The following SULT1B1 variants were observed in gnomAD, a reference collection of about 807,000 sequenced individuals.
SULT1B1 encodes the protein sulfotransferase 1B1.
Under a neutral mutation model 34.6 loss-of-function variants are expected in SULT1B1, and 28 were observed. That is an observed-to-expected ratio of 0.81 (90% CI 0.60 to 1.11). SULT1B1 has a LOEUF of 1.11. SULT1B1 is among the 50% of genes least tolerant of loss of function. The pLI is 0.00. For synonymous variants in SULT1B1, 147 were observed against 110.2 expected (o/e 1.33, Z -2.09); for missense variants, 374 against 352.2 (o/e 1.06, Z -0.50).
At chr4:69,743,439 G>C (rs1031992054) in intron 4 of SULT1B1, among the ~76,000 whole-genome samples, 1 of 152,152 alleles carries the variant, frequency 6.6e-6, no homozygotes, top group African/African-American at 2.4e-5. Context: ...GCAGCCATGG[G>C]TGGGCCCAGA....
In SULT1B1 at chr4:69,730,650, C is replaced by A; in HGVS notation, c.629G>T (p.Arg210Ile). Residue 210 changes from arginine (R) to isoleucine (I), a missense_variant, in exon 7 of 8, where the codon AGA (arginine) becomes ATA (isoleucine). Arg to Ile is a moderately conservative substitution (Grantham distance 97). Transcript: ENST00000310613. ...NPKEEIKKII[R>I]FLEKNLNDEI... is the part of the protein sequence containing the mutation. ...ATCATTCAGGTTCTTCTCTAGAAATCTAATGATCTTCTTGATTTCCTCCTT... is the reference window on the plus strand; with the variant it reads ...ATCATTCAGGTTCTTCTCTAGAAATATAATGATCTTCTTGATTTCCTCCTT... The A allele has an allele frequency of 6.2e-7, 1 of 1,612,704 alleles. No homozygotes were observed. Among genetic ancestry groups the A allele is most frequent in the Non-Finnish European group, 8.5e-7 (1 of 1,179,622 alleles).
At chr4:69,733,323 C>T (rs1718156450) in intron 6 of SULT1B1, 90 bp downstream of exon 6, 3 of 841,154 alleles carry the variant, frequency 3.6e-6, no homozygotes, top group East Asian at 5.7e-5. Flanking sequence ...TCATTTTGGA[C>T]TCGATAGACT....
At chr4:69,729,087 T>C (rs980309189) in intron 7 of SULT1B1, among the ~76,000 whole-genome samples, 1 of 152,084 alleles carries the variant, frequency 6.6e-6, no homozygotes, top group African/African-American at 2.4e-5. Flanking sequence ...TCATATGATT[T>C]GAGATAAAAT....
intron 4 of SULT1B1, among the ~76,000 whole-genome samples, chr4:69,737,024 GA>G (rs144914746): frequency 0.046 from 6,561 of 144,006 alleles, 201 homozygotes; most frequent in East Asian, 0.074. Context: ...TCAAAAAAAG[GA>G]AAAAAAAAAC....
rs1456359206 is a variant in SULT1B1, at chr4:69,722,977, G to C, written c.*4111C>G. ...TCAGGAAAAAGACTTTGCTGCACAT[G>C]GGGATATAAACAACTACTTCTAATG... On this transcript the variant is annotated 3_prime_UTR_variant, in exon 8 of 8. Coordinates refer to ENST00000310613, the MANE Select transcript of SULT1B1 (RefSeq NM_014465.4). The C allele has an allele frequency of 6.6e-6, 1 of 151,828 alleles. No individual in the cohort carries two copies. Among genetic ancestry groups the C allele is most frequent in the African/African-American group, 2.4e-5 (1 of 41,338 alleles). The allele number at this position is 151,828 out of a possible 1,614,324, so 9.4% of individuals were successfully genotyped here.
rs1429427881 is a variant in SULT1B1 at position 69,721,437 on chromosome 4, T to A, written c.*5651A>T. ...CACAAAATAATTGTTTTCCCATATA[T>A]CATTAATATCAAGCATTTTGAAGAA... On this transcript the variant is annotated 3_prime_UTR_variant, in exon 8 of 8. Transcript: ENST00000310613. The A allele has an allele frequency of 6.6e-6, 1 of 152,078 alleles. No homozygotes were observed. The highest frequency in any genetic ancestry group is 1.5e-5 in the Non-Finnish European group (1 of 68,000). 9.4% of individuals were successfully genotyped at this position (152,078 alleles called of 1,614,324 possible). A position where few individuals can be genotyped will look rare whatever the true frequency, so the allele number is the denominator to read the frequency against.
intron 7 of SULT1B1, among the ~76,000 whole-genome samples, chr4:69,729,319 C>A (rs1717966827): frequency 6.6e-6 from 1 of 151,922 alleles, no homozygotes; most frequent in African/African-American, 2.4e-5. Context: ...GAAACCCACC[C>A]ACATGTTTTG....
At chr4:69,738,890 A>G (rs1250079556) in intron 4 of SULT1B1, among the ~76,000 whole-genome samples, 1 of 152,124 alleles carries the variant, frequency 6.6e-6, no homozygotes, top group Non-Finnish European at 1.5e-5. Flanking sequence ...ATGGGAAAAA[A>G]ATGGTTGAAA....
chr4:69,739,631 C>T (rs1005344980), intron 4 of SULT1B1, among the ~76,000 whole-genome samples: 1 of 152,160 alleles, frequency 6.6e-6, no homozygotes, highest in Non-Finnish European at 1.5e-5. Context: ...CTCTGACATG[C>T]CTTGGAGACC....
Position 69,721,577 on chromosome 4 carries a change from C to A in SULT1B1, c.*5511G>T, listed in dbSNP as rs758778129. The A allele has an allele frequency of 1.3e-5, 2 of 151,904 alleles. No individual in the cohort carries two copies. Among genetic ancestry groups the A allele is most frequent in the Non-Finnish European group, 2.9e-5 (2 of 67,942 alleles). The allele number at this position is 151,904 out of a possible 1,614,324, so 9.4% of individuals were successfully genotyped here. A position where few individuals can be genotyped will look rare whatever the true frequency, so the allele number is the denominator to read the frequency against. ...CTTAACCTTCAAAAGCCTCCAATGACGCAATTTTTATCACACAGAACATAG... is the reference window on the plus strand; with the variant it reads ...CTTAACCTTCAAAAGCCTCCAATGAAGCAATTTTTATCACACAGAACATAG... On this transcript the variant is annotated 3_prime_UTR_variant, in exon 8 of 8. Transcript: ENST00000310613.
At chr4:69,757,585 T>TACAC (rs59421822) in intron 1 of SULT1B1, among the ~76,000 whole-genome samples, 1 of 151,360 alleles carries the variant, frequency 6.6e-6, no homozygotes, top group African/African-American at 2.4e-5. Context: ...TACCCCCATC[T>TACAC]ACACACACAC....
intron 7 of SULT1B1, among the ~76,000 whole-genome samples, 153 bp downstream of exon 7, chr4:69,730,348 A>ATAATT (rs1483923066): frequency 1.3e-5 from 2 of 152,280 alleles, no homozygotes; most frequent in Admixed American, 1.3e-4. Flanking sequence ...GTTTCATTTA[A>ATAATT]TAATTTTGAA....
intron 6 of SULT1B1, 106 bp downstream of exon 6, chr4:69,733,307 C>T (rs1718155752): frequency 3.0e-6 from 2 of 663,132 alleles, no homozygotes; most frequent in South Asian, 5.9e-5. Flanking sequence ...ATAGGCAAAG[C>T]AATCATCATT....
Position 69,724,509 on chromosome 4 carries a change from TG to T in SULT1B1, c.*2578del, listed in dbSNP as rs1174073999. The T allele has an allele frequency of 1.3e-5, 2 of 152,082 alleles. No homozygotes were observed. Among genetic ancestry groups the T allele is most frequent in the Non-Finnish European group, 2.9e-5 (2 of 68,028 alleles). The allele number at this position is 152,082 out of a possible 1,614,324, so 9.4% of individuals were successfully genotyped here. ...CTACCAATGACTTTCTTCACAGAAT[TG>T]GAAAAAACTACTTTAAAGTTCATAA... On this transcript the variant is annotated 3_prime_UTR_variant, in exon 8 of 8. Transcript: ENST00000310613.
chr4:69,759,454 C>G (rs1353783578), intron 1 of SULT1B1, among the ~76,000 whole-genome samples: 1 of 152,160 alleles, frequency 6.6e-6, no homozygotes, highest in African/African-American at 2.4e-5. Flanking sequence ...AAATTGTTGC[C>G]GGAGAAGGAT....
intron 6 of SULT1B1, 134 bp downstream of exon 6, chr4:69,733,279 G>T: frequency 1.8e-6 from 1 of 541,702 alleles, no homozygotes; most frequent in Non-Finnish European, 3.2e-6. Flanking sequence ...GCAAGATTTG[G>T]GTAAAAACAC....
chr4:69,753,801 A>T (rs1719079930), intron 3 of SULT1B1, among the ~76,000 whole-genome samples: 3 of 152,220 alleles, frequency 2.0e-5, no homozygotes, highest in African/African-American at 7.2e-5. Context: ...AACATATTAC[A>T]TTCTACCCTT....
chr4:69,752,678 G>A (rs1487688975), intron 3 of SULT1B1, among the ~76,000 whole-genome samples: 1 of 152,290 alleles, frequency 6.6e-6, no homozygotes, highest in East Asian at 1.9e-4. Flanking sequence ...TGACATAGAA[G>A]GACTGACATC....
intron 6 of SULT1B1, among the ~76,000 whole-genome samples, chr4:69,731,363 G>A (rs6817798): frequency 0.092 from 14,039 of 152,194 alleles, 921 homozygotes; most frequent in East Asian, 0.37. Context: ...AGTTTCATCT[G>A]GAAACCATCC....
Sources: allele counts gnomAD v4.1 joint callset (sites outside exome capture counted in the v4.1 genomes callset), GRCh38; gene constraint gnomAD v4.1.1; transcripts MANE v1.5; gene names NCBI Gene and HGNC (gene_info 2026-07-23, HGNC 2026-07-21).